The following DLGAP2 variants were observed in gnomAD, a reference collection of about 807,000 sequenced individuals.
The protein encoded by DLGAP2 is disks large-associated protein 2.
A neutral mutation model predicts 100.3 loss-of-function variants in DLGAP2; 26 were observed. The ratio of observed to expected loss-of-function variants is 0.26; its 90% CI spans 0.19 to 0.36. The LOEUF is 0.36. DLGAP2 is among the 10% of genes least tolerant of loss of function. DLGAP2 has a pLI of 1.00. For missense variants in DLGAP2, 1,858 were observed against 1,453.2 expected (o/e 1.28, Z -4.53); for synonymous variants, 886 against 630.1 (o/e 1.41, Z -6.08).
At chr8:1,124,749 G>T (rs1796127364) in intron 2 of DLGAP2, among the ~76,000 whole-genome samples, 1 of 152,186 alleles carries the variant, frequency 6.6e-6, no homozygotes, top group African/African-American at 2.4e-5. Flanking sequence ...GCTGTCATCT[G>T]AAATGCCACA....
chr8:1,613,946 A>C (rs895510673), intron 6 of DLGAP2, among the ~76,000 whole-genome samples: 2 of 152,204 alleles, frequency 1.3e-5, no homozygotes, highest in Non-Finnish European at 2.9e-5. Flanking sequence ...AGCTCTATCA[A>C]CTATTCCCGG....
At chr8:1,112,443 T>C (rs1043464514) in intron 2 of DLGAP2, among the ~76,000 whole-genome samples, 1 of 152,136 alleles carries the variant, frequency 6.6e-6, no homozygotes, top group Admixed American at 6.5e-5. Flanking sequence ...GGTTTCACCA[T>C]GTTAGCCAGG....
chr8:1,378,508 TG>T (rs1796016224), intron 3 of DLGAP2, among the ~76,000 whole-genome samples: 1 of 151,364 alleles, frequency 6.6e-6, no homozygotes, highest in Non-Finnish European at 1.5e-5. Flanking sequence ...CTGTCTTTCC[TG>T]CGCACACCTG....
At chr8:1,485,479 A>C (rs11993813) in intron 3 of DLGAP2, among the ~76,000 whole-genome samples, 6,046 of 152,360 alleles carry the variant, frequency 0.04, 397 homozygotes, top group African/African-American at 0.14. Flanking sequence ...GTATGTAAGT[A>C]ATGGACTCGC....
At chr8:865,393 A>G (rs1317158585) in intron 1 of DLGAP2, among the ~76,000 whole-genome samples, 1 of 152,154 alleles carries the variant, frequency 6.6e-6, no homozygotes, top group Non-Finnish European at 1.5e-5. Flanking sequence ...TGTGCTCTAG[A>G]GTTAGACTTT....
intron 3 of DLGAP2, among the ~76,000 whole-genome samples, chr8:1,413,407 A>G (rs1449945623): frequency 6.6e-6 from 1 of 152,242 alleles, no homozygotes; most frequent in Non-Finnish European, 1.5e-5. Flanking sequence ...TCAATGCTCA[A>G]GAAGCATAAA....
chr8:999,427 GT>G, intron 2 of DLGAP2, among the ~76,000 whole-genome samples: 1 of 147,810 alleles, frequency 6.8e-6, no homozygotes, highest in East Asian at 2.0e-4. Context: ...TTTGTATTTT[GT>G]TTTGATAGTT....
At chr8:1,630,132 A>G (rs1797605673) in intron 7 of DLGAP2, among the ~76,000 whole-genome samples, 1 of 152,126 alleles carries the variant, frequency 6.6e-6, no homozygotes, top group African/African-American at 2.4e-5. Flanking sequence ...TCAGTTTTGA[A>G]TTCTCAGGAA....
At chr8:1,138,329 T>C (rs80009652) in intron 2 of DLGAP2, among the ~76,000 whole-genome samples, 16,817 of 152,242 alleles carry the variant, frequency 0.11, 1,078 homozygotes, top group East Asian at 0.25. Context: ...GATGAAGACC[T>C]CACAGGGGGC....
At chr8:793,400 G>T (rs1224900884) in intron 1 of DLGAP2, among the ~76,000 whole-genome samples, 1 of 152,094 alleles carries the variant, frequency 6.6e-6, no homozygotes, top group Non-Finnish European at 1.5e-5. Context: ...CCCTCGCCCT[G>T]ATGATTTTAC....
intron 2 of DLGAP2, among the ~76,000 whole-genome samples, chr8:1,073,904 G>A (rs7842603): frequency 0.022 from 3,410 of 152,074 alleles, 136 homozygotes; most frequent in African/African-American, 0.078. Flanking sequence ...GAACTCACCC[G>A]GCTGCGTATT....
rs147392792 is a variant in DLGAP2, at chr8:1,484,868, A to T, written c.107-16498A>T. Among the ~76,000 whole-genome samples the T allele has an allele frequency of 1.5e-3, 229 of 152,248 alleles. 1 individual carries two copies. Among genetic ancestry groups the T allele is most frequent in the African/African-American group, 5.1e-3 (213 of 41,538 alleles). On this transcript the variant is annotated intron_variant, in intron 3 of 14. Transcript: ENST00000637795. The stretch of plus-strand genomic sequence containing the variant: ...AATATTTCCTGGCAGCAGAGAGCAG[A>T]CCTGGTCTCTCAGCCTTTCAGCCCC...
intron 2 of DLGAP2, among the ~76,000 whole-genome samples, chr8:1,042,018 A>T (rs1429901550): frequency 6.6e-6 from 1 of 152,130 alleles, no homozygotes; most frequent in East Asian, 1.9e-4. Context: ...TGTCCCCTAG[A>T]TGGAGCCGTC....
At chr8:1,460,884 A>C (rs1325563583) in intron 3 of DLGAP2, among the ~76,000 whole-genome samples, 2 of 152,208 alleles carry the variant, frequency 1.3e-5, no homozygotes, top group East Asian at 3.9e-4. Flanking sequence ...TAATTTCCAC[A>C]CAAGTCTTTG....
chr8:1,384,454 A>T (rs1796170024), intron 3 of DLGAP2, among the ~76,000 whole-genome samples: 1 of 77,834 alleles, frequency 1.3e-5, no homozygotes, highest in African/African-American at 4.7e-5. Flanking sequence ...GTGCACAGTT[A>T]CCCCGGCCTG....
At chr8:1,501,316 A>C in intron 3 of DLGAP2, 50 bp from the exon 4 acceptor site, 11 of 1,522,366 alleles carry the variant, frequency 7.2e-6, no homozygotes, top group Non-Finnish European at 9.7e-6. Context: ...GAATGACTGC[A>C]GTCTACACCA....
At chr8:1,007,198 G>C (rs1279280707) in intron 2 of DLGAP2, among the ~76,000 whole-genome samples, 2 of 152,164 alleles carry the variant, frequency 1.3e-5, no homozygotes, top group African/African-American at 4.8e-5. Flanking sequence ...ATCATGTCGG[G>C]GACACCGTGC....
chr8:1,345,078 G>C (rs1046873066), intron 3 of DLGAP2, among the ~76,000 whole-genome samples: 1 of 152,214 alleles, frequency 6.6e-6, no homozygotes, highest in Non-Finnish European at 1.5e-5. Flanking sequence ...CCTTTGCAAA[G>C]TTCATGACTC....
rs1338602277 is a variant in DLGAP2 at position 1,704,208 on chromosome 8, C to T, written c.*2802C>T. ...CCATTTCGTCATATTTAAAATATAA[C>T]TTCAAGAAAAGAGTAAACATCCATT... is the stretch of plus-strand genomic sequence containing the variant. On this transcript the variant is annotated 3_prime_UTR_variant, in exon 15 of 15. Coordinates refer to ENST00000637795, the MANE Select transcript of DLGAP2 (RefSeq NM_001346810.2). 1.3e-5 allele frequency: 2 copies of T among 152,478 alleles called. No homozygotes were observed. Among genetic ancestry groups the T allele is most frequent in the Non-Finnish European group, 2.9e-5 (2 of 68,048 alleles). 9.4% of individuals were successfully genotyped at this position (152,478 alleles called of 1,614,324 possible).
Sources: gnomAD v4.1 joint callset for allele counts (sites outside exome capture counted in the v4.1 genomes callset) on GRCh38, gnomAD v4.1.1 for gene constraint, MANE v1.5 for transcripts, NCBI Gene and HGNC (gene_info 2026-07-23, HGNC 2026-07-21) for gene names.